Variants in MINAR1 observed in about 807,000 individuals in gnomAD.
The protein encoded by MINAR1 is major intrinsically disordered Notch2-binding receptor 1.
In MINAR1, 40 loss-of-function variants were observed where a neutral mutation model predicts 65.1. That is an observed-to-expected ratio of 0.61 (90% CI 0.48 to 0.80). The LOEUF (loss-of-function observed/expected upper bound fraction) is 0.80. Among genes scored for constraint, MINAR1 ranks in the 30% least tolerant of loss-of-function variants. MINAR1 has a pLI of 0.00. For synonymous variants in MINAR1, 482 were observed against 449.1 expected (o/e 1.07, Z -0.93); for missense variants, 1,128 against 1,148.0 (o/e 0.98, Z 0.25).
the MINAR1 span, chr15:79,423,537 C>T: frequency 1.3e-5 from 2 of 152,236 alleles, no homozygotes; most frequent in Non-Finnish European, 2.9e-5. Flanking sequence ...GGCCCACCCT[C>T]TTCAGTGTCC....
chr15:79,457,179 C>T lies in MINAR1; in HGVS notation c.1032C>T (p.Pro344=), dbSNP rs776031651. The change falls in exon 2 of 4, where the codon CCC becomes CCT. Residue 344 remains proline, a synonymous_variant. Transcript: ENST00000305428. ...CCTCTACATATTTTGGGCCCACTCC[C>T]GTGATGGGAACCCAAGAAGCCAGGC... is the stretch of plus-strand genomic sequence containing the variant. ...LQASTYFGPT[P]VMGTQEARRC... 4.9e-5 allele frequency: 79 copies of T among 1,614,014 alleles called. No homozygotes were observed. The highest frequency in any genetic ancestry group is 5.8e-5 in the Non-Finnish European group (68 of 1,180,032).
upstream of MINAR1, among the ~76,000 whole-genome samples, chr15:79,428,833 T>C (rs778179777): frequency 2.6e-5 from 4 of 152,124 alleles, no homozygotes; most frequent in Non-Finnish European, 5.9e-5. Context: ...TATGATGGAT[T>C]AAAAAGTATT....
Position 79,468,782 on chromosome 15 carries a change from G to T in MINAR1, c.*398G>T. The stretch of plus-strand genomic sequence containing the variant: ...CACGCCTCTTTAGAAGAAACTAAGG[G>T]AAATAGCAACATAAGAAGAAAAGAG... On this transcript the variant is annotated 3_prime_UTR_variant, in exon 4 of 4. Transcript: ENST00000305428. The T allele has an allele frequency of 5.1e-6, 1 of 197,602 alleles. No individual in the cohort carries two copies. Among genetic ancestry groups the T allele is most frequent in the Non-Finnish European group, 1.1e-5 (1 of 95,170 alleles). 12.2% of individuals were successfully genotyped at this position (197,602 alleles called of 1,614,324 possible).
At position 79,470,360 on chromosome 15, in the gene MINAR1, CTCCTCTTTA is replaced by C. The variant is rs1300232329; in HGVS notation, c.*1979_*1987del. 6.6e-6 allele frequency: 1 copy of C among 152,292 alleles called. No individual in the cohort carries two copies. Among genetic ancestry groups the C allele is most frequent in the African/African-American group, 2.4e-5 (1 of 41,434 alleles). The allele number at this position is 152,292 out of a possible 1,614,324, so 9.4% of individuals were successfully genotyped here. On this transcript the variant is annotated 3_prime_UTR_variant, in exon 4 of 4. Coordinates refer to ENST00000305428, the MANE Select transcript of MINAR1 (RefSeq NM_015206.3). ...TACACCATATTGTAGCCCCACTATT[CTCCTCTTTA>C]TCACAGATGAAGTGCCAGAGCATCA...
intron 1 of MINAR1, among the ~76,000 whole-genome samples, chr15:79,452,181 CTG>C (rs1240488095): frequency 3.4e-5 from 5 of 147,364 alleles, no homozygotes; most frequent in East Asian, 2.0e-4. Context: ...GAGTGTAGGT[CTG>C]TGTGAGTGTG....
chr15:79,451,674 G>A (rs1895207699), intron 1 of MINAR1, among the ~76,000 whole-genome samples: 1 of 152,220 alleles, frequency 6.6e-6, no homozygotes, highest in Non-Finnish European at 1.5e-5. Context: ...CGCTGGGCAT[G>A]GCTGTTCCTC....
At chr15:79,411,532 G>A in the MINAR1 span, 1 of 701,134 alleles carries the variant, frequency 1.4e-6, no homozygotes, top group Non-Finnish European at 2.6e-6. Context: ...GGCACTGAGA[G>A]TGGATGGAGG....
intron 3 of MINAR1, among the ~76,000 whole-genome samples, chr15:79,467,562 A>T (rs1401774795): frequency 6.6e-6 from 1 of 152,250 alleles, no homozygotes; most frequent in Non-Finnish European, 1.5e-5. Flanking sequence ...ACCGAGTCTG[A>T]AACTATTGCC....
At chr15:79,434,175 A>G (rs2141273359) in intron 1 of MINAR1, among the ~76,000 whole-genome samples, 1 of 152,360 alleles carries the variant, frequency 6.6e-6, no homozygotes, top group Non-Finnish European at 1.5e-5. Context: ...AGTTTATTTG[A>G]ATTTCTGATG....
At chr15:79,417,209 C>G in the MINAR1 span, 1 of 152,216 alleles carries the variant, frequency 6.6e-6, no homozygotes, top group Non-Finnish European at 1.5e-5. Flanking sequence ...GCCAGGTTCA[C>G]ATAGTTCAAT....
At chr15:79,432,271 G>T (rs1894462548), upstream of MINAR1, among the ~76,000 whole-genome samples, 1 of 152,156 alleles carries the variant, frequency 6.6e-6, no homozygotes. Flanking sequence ...GCCGCGGCGC[G>T]CTGGCCCTGG....
At chr15:79,452,866 AGT>A (rs904374930) in intron 1 of MINAR1, among the ~76,000 whole-genome samples, 2 of 132,118 alleles carry the variant, frequency 1.5e-5, no homozygotes, top group African/African-American at 5.8e-5. Context: ...AGTCTGTGTG[AGT>A]GTGAAGCTGT....
At position 79,468,928 on chromosome 15, in the gene MINAR1, C is replaced by T. The variant is rs1203014642; in HGVS notation, c.*544C>T. ...AAGGGCTACTGACGTTTCATTCTTG[C>T]CCTTTTGTCATCAACACGACAGAGT... is the stretch of plus-strand genomic sequence containing the variant. On this transcript the variant is annotated 3_prime_UTR_variant, in exon 4 of 4. Coordinates refer to ENST00000305428, the MANE Select transcript of MINAR1 (RefSeq NM_015206.3). 6.2e-6 allele frequency: 1 copy of T among 160,798 alleles called. No homozygotes were observed. Among genetic ancestry groups the T allele is most frequent in the Non-Finnish European group, 1.4e-5 (1 of 72,436 alleles). 10.0% of individuals were successfully genotyped at this position (160,798 alleles called of 1,614,324 possible).
chr15:79,426,597 C>G, the MINAR1 span: 1 of 152,260 alleles, frequency 6.6e-6, no homozygotes, highest in Non-Finnish European at 1.5e-5. Context: ...GAGTAGAATT[C>G]AGTGGAGCAT....
the MINAR1 span, chr15:79,411,778 G>A: frequency 7.7e-6 from 3 of 388,364 alleles, no homozygotes; most frequent in East Asian, 1.3e-4. Context: ...CAGCACTTCA[G>A]CCTGGGTGGA....
In MINAR1 at chr15:79,468,821, T is replaced by TCCATAA. The variant is rs1895969332; in HGVS notation, c.*438_*443dup. ...AGAAGAAAAGAGGTGGCTTCTCTTT[T>TCCATAA]CCATAATGTTCTTAGACCATTGCTG... On this transcript the variant is annotated 3_prime_UTR_variant, in exon 4 of 4. Coordinates refer to ENST00000305428, the MANE Select transcript of MINAR1 (RefSeq NM_015206.3). The TCCATAA allele has an allele frequency of 5.1e-6, 1 of 195,918 alleles. No homozygotes were observed. The highest frequency in any genetic ancestry group is 1.1e-5 in the Non-Finnish European group (1 of 94,034). 12.1% of individuals were successfully genotyped at this position (195,918 alleles called of 1,614,324 possible). A position where few individuals can be genotyped will look rare whatever the true frequency, so the allele number is the denominator to read the frequency against.
chr15:79,463,721 G>T (rs1450266975), intron 3 of MINAR1: 1 of 466,108 alleles, frequency 2.1e-6, no homozygotes, highest in Non-Finnish European at 4.3e-6. Context: ...ATTTGTGGGA[G>T]CCAAGCTATG....
intron 1 of MINAR1, among the ~76,000 whole-genome samples, chr15:79,451,359 G>T (rs1467830666): frequency 6.6e-6 from 1 of 152,170 alleles, no homozygotes; most frequent in African/African-American, 2.4e-5. Flanking sequence ...GAGGGCTGTT[G>T]AGCACCACGG....
chr15:79,462,995 G>T (rs1895701172), intron 2 of MINAR1, 72 bp from the exon 3 acceptor site: 2 of 1,523,848 alleles, frequency 1.3e-6, no homozygotes, highest in East Asian at 2.3e-5. Context: ...AAAGCTGCTG[G>T]CTGCTCAATT....
Sources: allele counts gnomAD v4.1 joint callset (sites outside exome capture counted in the v4.1 genomes callset), GRCh38; gene constraint gnomAD v4.1.1; transcripts MANE v1.5; gene names NCBI Gene and HGNC (gene_info 2026-07-23, HGNC 2026-07-21).